Variants in MYRIP observed in about 807,000 individuals in gnomAD.
MYRIP encodes the protein myosin VIIA and Rab interacting protein, also known as rab effector MyRIP.
Under a neutral mutation model 98.0 loss-of-function variants are expected in MYRIP, and 49 were observed. The observed-to-expected ratio is 0.50, with a 90% CI of 0.40 to 0.63. The LOEUF (loss-of-function observed/expected upper bound fraction) is 0.63. Among genes scored for constraint, MYRIP ranks in the 30% least tolerant of loss-of-function variants. The pLI is 0.00. For synonymous variants in MYRIP, 404 were observed against 409.5 expected (o/e 0.99, Z 0.16); for missense variants, 1,004 against 1,058.2 (o/e 0.95, Z 0.71).
intron 2 of MYRIP, among the ~76,000 whole-genome samples, chr3:39,944,401 A>G (rs1944855168): frequency 6.6e-6 from 1 of 152,150 alleles, no homozygotes; most frequent in South Asian, 2.1e-4. Context: ...ATACTGATAC[A>G]CAAATATCTC....
chr3:39,924,691 A>T (rs1944379056), intron 2 of MYRIP, among the ~76,000 whole-genome samples: 1 of 152,080 alleles, frequency 6.6e-6, no homozygotes, highest in Non-Finnish European at 1.5e-5. Flanking sequence ...ATGGCAACAG[A>T]ATATATATTG....
intron 1 of MYRIP, among the ~76,000 whole-genome samples, chr3:39,827,803 CT>C (rs1331658187): frequency 6.6e-6 from 1 of 152,060 alleles, no homozygotes; most frequent in Admixed American, 6.5e-5. Flanking sequence ...CCTGTTTTTG[CT>C]TGTCTATGAA....
chr3:39,907,092 A>AC (rs146606165), intron 2 of MYRIP, among the ~76,000 whole-genome samples: 2,756 of 152,086 alleles, frequency 0.018, 83 homozygotes, highest in African/African-American at 0.063. Flanking sequence ...ACTCCTGAGT[A>AC]CCCCATGGAC....
At chr3:39,891,428 G>T (rs771152782) in intron 1 of MYRIP, among the ~76,000 whole-genome samples, 10 of 151,968 alleles carry the variant, frequency 6.6e-5, no homozygotes, top group Non-Finnish European at 1.5e-4. Flanking sequence ...TGATATTCCA[G>T]GGAATAGGTG....
At chr3:40,184,238 G>A (rs1392656766) in intron 9 of MYRIP, among the ~76,000 whole-genome samples, 1 of 151,954 alleles carries the variant, frequency 6.6e-6, no homozygotes, top group East Asian at 1.9e-4. Context: ...GATTGCAAAT[G>A]CACACAGAAA....
At chr3:40,151,747 C>T (rs1950126827) in intron 4 of MYRIP, among the ~76,000 whole-genome samples, 1 of 152,090 alleles carries the variant, frequency 6.6e-6, no homozygotes, top group East Asian at 1.9e-4. Flanking sequence ...TTCTTTAGTC[C>T]TATTAGATCA....
chr3:39,852,739 CCTCTT>C (rs527385928), intron 1 of MYRIP, among the ~76,000 whole-genome samples: 3 of 136,268 alleles, frequency 2.2e-5, no homozygotes, highest in Admixed American at 7.0e-5. Context: ...CTCCTGTTCT[CCTCTT>C]CTCTTCTCTT....
At chr3:39,883,013 A>G (rs2125647048) in intron 1 of MYRIP, among the ~76,000 whole-genome samples, 1 of 152,332 alleles carries the variant, frequency 6.6e-6, no homozygotes, top group East Asian at 1.9e-4. Context: ...AGAGATAAAA[A>G]GATACTGAAG....
At chr3:40,067,776 A>G (rs552682229) in intron 3 of MYRIP, among the ~76,000 whole-genome samples, 5 of 152,206 alleles carry the variant, frequency 3.3e-5, no homozygotes, top group East Asian at 3.9e-4. Flanking sequence ...AACATTTTCA[A>G]TGCTAACAGT....
chr3:39,910,982 G>T (rs1944007953), intron 2 of MYRIP, among the ~76,000 whole-genome samples: 1 of 152,120 alleles, frequency 6.6e-6, no homozygotes, highest in African/African-American at 2.4e-5. Flanking sequence ...ACGTGAAGGT[G>T]GTCTCTGAGT....
chr3:39,860,287 T>C (rs752328070), intron 1 of MYRIP, among the ~76,000 whole-genome samples: 43 of 152,132 alleles, frequency 2.8e-4, no homozygotes, highest in South Asian at 4.1e-4. Context: ...AAAACCCCCA[T>C]GAACACTTGA....
chr3:39,953,438 T>C (rs1192696578), intron 2 of MYRIP, among the ~76,000 whole-genome samples: 1 of 152,250 alleles, frequency 6.6e-6, no homozygotes, highest in African/African-American at 2.4e-5. Flanking sequence ...ACAGTGTTTT[T>C]AATTCATTGA....
intron 3 of MYRIP, among the ~76,000 whole-genome samples, chr3:40,145,924 ATGTC>A (rs1245400795): frequency 6.6e-6 from 1 of 152,214 alleles, no homozygotes; most frequent in African/African-American, 2.4e-5. Context: ...TTATAAAACA[ATGTC>A]TGTCCATCAC....
In MYRIP at chr3:40,124,840, C is replaced by T. The variant is rs114770430; in HGVS notation, c.333-26208C>T. 2.0e-3 allele frequency among the ~76,000 whole-genome samples: 302 copies of T among 152,318 alleles called. 4 individuals carry two copies. Among genetic ancestry groups the T allele is most frequent in the African/African-American group, 7.0e-3 (291 of 41,572 alleles). On this transcript the variant is annotated intron_variant, in intron 3 of 16. Coordinates refer to ENST00000302541, the MANE Select transcript of MYRIP (RefSeq NM_015460.4). ...CCAGCAGGCATTCTTAAGTGGCTGGCCTTGCAGTCTCCTCCATGACTTTGG... is the reference window on the plus strand; with the variant it reads ...CCAGCAGGCATTCTTAAGTGGCTGGTCTTGCAGTCTCCTCCATGACTTTGG...
chr3:40,185,574 G>T (rs1245058785), intron 9 of MYRIP, among the ~76,000 whole-genome samples: 1 of 152,178 alleles, frequency 6.6e-6, no homozygotes, highest in East Asian at 1.9e-4. Context: ...GTTTTCACAT[G>T]TCTGGGTATT....
chr3:40,194,058 T>C (rs189710985), intron 10 of MYRIP, among the ~76,000 whole-genome samples: 3 of 152,290 alleles, frequency 2.0e-5, no homozygotes, highest in East Asian at 3.9e-4. Context: ...ACAAAAATTT[T>C]TGTTCATAAT....
intron 2 of MYRIP, among the ~76,000 whole-genome samples, chr3:39,980,168 G>A (rs1945854998): frequency 6.6e-6 from 1 of 152,056 alleles, no homozygotes; most frequent in Admixed American, 6.6e-5. Flanking sequence ...CTCTCGGGAA[G>A]AGGAGTGTCC....
At chr3:39,994,555 T>G (rs1575446676) in intron 2 of MYRIP, among the ~76,000 whole-genome samples, 1 of 152,178 alleles carries the variant, frequency 6.6e-6, no homozygotes, top group Non-Finnish European at 1.5e-5. Context: ...TGGAACTGGG[T>G]GGAGCCCACC....
chr3:40,195,641 G>C (rs373858160), intron 10 of MYRIP, among the ~76,000 whole-genome samples: 43 of 152,148 alleles, frequency 2.8e-4, no homozygotes, highest in East Asian at 9.7e-4. Flanking sequence ...CACATTAATA[G>C]ATTTCTCAAT....
Sources: allele counts gnomAD v4.1 joint callset (sites outside exome capture counted in the v4.1 genomes callset), GRCh38; gene constraint gnomAD v4.1.1; transcripts MANE v1.5; gene names NCBI Gene and HGNC (gene_info 2026-07-23, HGNC 2026-07-21).